Variants in CHRM2 observed in about 807,000 individuals in gnomAD.
CHRM2 encodes muscarinic acetylcholine receptor M2.
Under a neutral mutation model 25.0 loss-of-function variants are expected in CHRM2, and 8 were observed. That is an observed-to-expected ratio of 0.32 (90% confidence interval 0.19 to 0.58). The LOEUF (loss-of-function observed/expected upper bound fraction) is 0.58. Ranked by LOEUF, CHRM2 falls within the 20% of genes least tolerant of loss-of-function variation. The pLI is 0.88. For synonymous variants in CHRM2, 202 were observed against 205.7 expected (o/e 0.98, Z 0.15); for missense variants, 440 against 567.1 (o/e 0.78, Z 2.28).
intron 2 of CHRM2, among the ~76,000 whole-genome samples, chr7:136,909,556 T>C (rs2130674603): frequency 6.6e-6 from 1 of 152,044 alleles, no homozygotes; most frequent in South Asian, 2.1e-4. Context: ...GTCCTAGGAT[T>C]TTAATGCAAA....
chr7:136,944,321 T>C (rs1178514563), intron 2 of CHRM2, among the ~76,000 whole-genome samples: 1 of 150,146 alleles, frequency 6.7e-6, no homozygotes, highest in African/African-American at 2.5e-5. Flanking sequence ...CTTCCACTTA[T>C]AAGTGAGAAC....
chr7:136,939,189 A>G (rs1016179462), intron 2 of CHRM2, among the ~76,000 whole-genome samples: 2 of 152,170 alleles, frequency 1.3e-5, no homozygotes, highest in Non-Finnish European at 2.9e-5. Context: ...TTCCAAGGTA[A>G]TATCAATCAC....
At chr7:136,957,130 C>A (rs1016055541) in intron 2 of CHRM2, among the ~76,000 whole-genome samples, 1 of 152,194 alleles carries the variant, frequency 6.6e-6, no homozygotes, top group Non-Finnish European at 1.5e-5. Flanking sequence ...GGAAAGGCAG[C>A]ACAGTAAGTC....
At chr7:136,896,627 A>C (rs1233996994) in intron 2 of CHRM2, among the ~76,000 whole-genome samples, 1 of 152,130 alleles carries the variant, frequency 6.6e-6, no homozygotes, top group Admixed American at 6.5e-5. Flanking sequence ...GTCTAACTAA[A>C]AATGAAACAT....
In CHRM2 at chr7:136,938,695, G is replaced by A. The variant is rs935579384; in HGVS notation, c.-124-53492G>A. On this transcript the variant is annotated intron_variant, in intron 2 of 3. Transcript: ENST00000680005. ...TGCTGAAGGCCCAGGGGCCAGAGGT[G>A]GACACCTTGTAGGACTGTACCCCTC... is the stretch of plus-strand genomic sequence containing the variant. 4.3e-5 allele frequency: 33 copies of A among 767,256 alleles called. No homozygotes were observed. The Admixed American group carries it at 6.0e-4, about 14-fold the overall frequency. 47.5% of individuals were successfully genotyped at this position (767,256 alleles called of 1,614,324 possible).
At chr7:136,987,320 C>T (rs1802923243) in intron 2 of CHRM2, among the ~76,000 whole-genome samples, 1 of 152,168 alleles carries the variant, frequency 6.6e-6, no homozygotes, top group Admixed American at 6.5e-5. Context: ...CAGACATATC[C>T]CAGCTCTATG....
chr7:136,893,036 C>T (rs1462964385), intron 2 of CHRM2, among the ~76,000 whole-genome samples: 2 of 152,072 alleles, frequency 1.3e-5, no homozygotes, highest in Admixed American at 6.5e-5. Context: ...TTCTCTCTCT[C>T]TTGTTCTTCT....
chr7:137,007,341 C>A (rs1232887341), intron 3 of CHRM2, among the ~76,000 whole-genome samples: 1 of 152,138 alleles, frequency 6.6e-6, no homozygotes, highest in Non-Finnish European at 1.5e-5. Context: ...TCCTACTTCA[C>A]TTCTATCCCC....
intron 3 of CHRM2, among the ~76,000 whole-genome samples, chr7:136,994,526 T>C (rs832690): frequency 0.18 from 23,607 of 131,110 alleles, 1,764 homozygotes; most frequent in East Asian, 0.29. Context: ...CTTTTCTTTT[T>C]TTTTTTTTTT....
At chr7:136,955,572 G>A (rs1019114581) in intron 2 of CHRM2, among the ~76,000 whole-genome samples, 2 of 152,100 alleles carry the variant, frequency 1.3e-5, no homozygotes, top group Non-Finnish European at 2.9e-5. Context: ...AGTCCAGCTT[G>A]GCCATTCATT....
intron 3 of CHRM2, among the ~76,000 whole-genome samples, chr7:137,001,114 G>T (rs2131065462): frequency 6.6e-6 from 1 of 152,166 alleles, no homozygotes; most frequent in African/African-American, 2.4e-5. Flanking sequence ...ACTGGGCATT[G>T]TGCCAAACAT....
At chr7:136,996,842 G>A (rs1183676782) in intron 3 of CHRM2, among the ~76,000 whole-genome samples, 7 of 152,184 alleles carry the variant, frequency 4.6e-5, no homozygotes, top group African/African-American at 1.4e-4. Flanking sequence ...TAGAGTGTGA[G>A]CCTACAGGCC....
chr7:136,887,530 T>C (rs1373615579), intron 2 of CHRM2, among the ~76,000 whole-genome samples: 5 of 152,018 alleles, frequency 3.3e-5, no homozygotes, highest in African/African-American at 1.2e-4. Context: ...ATACCCTGAG[T>C]GTCTGACAAA....
At chr7:136,990,299 A>G (rs1212771418) in intron 2 of CHRM2, among the ~76,000 whole-genome samples, 1 of 152,076 alleles carries the variant, frequency 6.6e-6, no homozygotes, top group East Asian at 1.9e-4. Flanking sequence ...CAAATATATA[A>G]TGACATGTAC....
At chr7:136,896,644 T>C (rs950065403) in intron 2 of CHRM2, among the ~76,000 whole-genome samples, 2 of 152,170 alleles carry the variant, frequency 1.3e-5, no homozygotes, top group African/African-American at 4.8e-5. Flanking sequence ...ACATCTTTCA[T>C]GACCCTAAAT....
At chr7:136,897,383 T>C (rs1193574076) in intron 2 of CHRM2, among the ~76,000 whole-genome samples, 1 of 152,112 alleles carries the variant, frequency 6.6e-6, no homozygotes, top group Non-Finnish European at 1.5e-5. Context: ...TGCTATTGCA[T>C]ATATACATTT....
At chr7:136,977,355 G>C (rs903694570) in intron 2 of CHRM2, among the ~76,000 whole-genome samples, 3 of 151,502 alleles carry the variant, frequency 2.0e-5, no homozygotes, top group Non-Finnish European at 4.4e-5. Flanking sequence ...TTGCTGATCA[G>C]CAGAACTTAC....
intron 2 of CHRM2, among the ~76,000 whole-genome samples, chr7:136,976,139 T>C (rs1436250279): frequency 6.6e-6 from 1 of 152,088 alleles, no homozygotes; most frequent in African/African-American, 2.4e-5. Context: ...AGCCTCAAGG[T>C]TGGGCTACGG....
chr7:136,927,607 G>A (rs1233903873), intron 2 of CHRM2, among the ~76,000 whole-genome samples: 1 of 152,136 alleles, frequency 6.6e-6, no homozygotes, highest in Non-Finnish European at 1.5e-5. Flanking sequence ...GCATATTTAT[G>A]CCAGGATAGA....
Sources: gnomAD v4.1 joint callset for allele counts (sites outside exome capture counted in the v4.1 genomes callset) on GRCh38, gnomAD v4.1.1 for gene constraint, MANE v1.5 for transcripts, NCBI Gene and HGNC (gene_info 2026-07-23, HGNC 2026-07-21) for gene names.